Variants in OSBPL1A observed in about 807,000 individuals in gnomAD.
OSBPL1A encodes oxysterol-binding protein-related protein 1.
In OSBPL1A, 80 loss-of-function variants were observed where a neutral mutation model predicts 137.1. The observed-to-expected ratio is 0.58, with a 90% confidence interval of 0.49 to 0.70. The LOEUF (loss-of-function observed/expected upper bound fraction) is 0.70, where lower values mean the gene tolerates loss of function less well. OSBPL1A is among the 30% of genes least tolerant of loss of function. The pLI, the probability that OSBPL1A is intolerant of heterozygous loss-of-function variation, is 0.00. For missense variants in OSBPL1A, 970 were observed against 1,129.4 expected (o/e 0.86, Z 2.02); for synonymous variants, 365 against 389.7 (o/e 0.94, Z 0.75).
chr18:24,323,539 C>CTTTTTTTTTTTTT (rs763234169), intron 7 of OSBPL1A, among the ~76,000 whole-genome samples: 2 of 35,152 alleles, frequency 5.7e-5, no homozygotes, highest in Admixed American at 1.8e-4. Context: ...GAGGCTTTTT[C>CTTTTTTTTTTTTT]TTTTTTTTTT....
chr18:24,341,979 G>GA lies in OSBPL1A; in HGVS notation c.283-322dup, dbSNP rs769918616. Among the ~76,000 whole-genome samples the GA allele has an allele frequency of 7.2e-5, 11 of 152,318 alleles. No individual in the cohort carries two copies. In the Middle Eastern group the frequency reaches 0.014, roughly 188 times the overall value. The stretch of plus-strand genomic sequence containing the variant: ...GTAAACAAAGCCAATATTCAAATTA[G>GA]AGAAGGAAGTACATTCACTGAAGAT... On this transcript the variant is annotated intron_variant, in intron 4 of 27. Coordinates refer to ENST00000319481, the MANE Select transcript of OSBPL1A (RefSeq NM_080597.4).
chr18:24,366,164 T>C (rs1254396390), intron 4 of OSBPL1A, among the ~76,000 whole-genome samples: 1 of 152,104 alleles, frequency 6.6e-6, no homozygotes, highest in Non-Finnish European at 1.5e-5. Context: ...TACTGCTTTA[T>C]TACAAAGGAT....
rs1039473130 is a variant in OSBPL1A at position 24,238,688 on chromosome 18, A to G, written c.1444+532T>C. Among the ~76,000 whole-genome samples, 16 of 152,372 alleles carry G rather than the reference A, an allele frequency of 1.1e-4. No individual in the cohort carries two copies. In the South Asian group the frequency reaches 3.3e-3, roughly 32 times the overall value. On this transcript the variant is annotated intron_variant, in intron 16 of 27. Coordinates refer to ENST00000319481, the MANE Select transcript of OSBPL1A (RefSeq NM_080597.4). ...AAGCTCTGGAGTCCATGCTCCTTGC[A>G]GAAATGCTATGCCGCCCTTTAGTGT... is the stretch of plus-strand genomic sequence containing the variant.
rs1266583133 is a variant in OSBPL1A, at chr18:24,324,770, C to T, written c.626-5961G>A. ...CTGCACTCCATCCTGGGCGACAGAG[C>T]GAGACTCTGTCTATTAAAAAAAAAA... On this transcript the variant is annotated intron_variant, in intron 7 of 27. Transcript: ENST00000319481. 4.4e-5 allele frequency among the ~76,000 whole-genome samples: 6 copies of T among 135,648 alleles called. No individual in the cohort carries two copies. The South Asian group carries it at 7.1e-4, about 16-fold the overall frequency. The allele number at this position is 135,648 out of a possible 152,430, so 89.0% of individuals were successfully genotyped here.
intron 5 of OSBPL1A, among the ~76,000 whole-genome samples, chr18:24,338,570 G>A (rs1029186425): frequency 1.3e-5 from 2 of 152,110 alleles, no homozygotes; most frequent in African/African-American, 2.4e-5. Context: ...AAACAGCCCT[G>A]GTTTGGCCAC....
chr18:24,334,341 A>G lies in OSBPL1A; in HGVS notation c.395-11T>C, dbSNP rs999320204. Reference sequence around the variant, plus strand: ...GAGTCCTTTCTACAGCTGCAAAAGAAAAGTACTTATTATCCACTGCTAGTC... The same window carrying G: ...GAGTCCTTTCTACAGCTGCAAAAGAGAAGTACTTATTATCCACTGCTAGTC... On this transcript the variant is annotated splice_polypyrimidine_tract_variant and intron_variant, in intron 5 of 27. Coordinates refer to ENST00000319481, the MANE Select transcript of OSBPL1A (RefSeq NM_080597.4). The G allele has an allele frequency of 6.3e-7, 1 of 1,599,368 alleles. No homozygotes were observed. Among genetic ancestry groups the G allele is most frequent in the Middle Eastern group, 1.7e-4 (1 of 6,004 alleles).
At chr18:24,261,378 T>C (rs542677094) in intron 15 of OSBPL1A, among the ~76,000 whole-genome samples, 16 of 152,152 alleles carry the variant, frequency 1.1e-4, no homozygotes, top group Non-Finnish European at 1.8e-4. Context: ...TCAAAACTCA[T>C]TCAATAACAG....
chr18:24,210,824 T>C (rs981915499), intron 17 of OSBPL1A, among the ~76,000 whole-genome samples: 1 of 151,884 alleles, frequency 6.6e-6, no homozygotes, highest in Non-Finnish European at 1.5e-5. Flanking sequence ...GTGTGAGCCA[T>C]CGTATCTGGT....
chr18:24,382,753 G>A (rs1381187104), intron 1 of OSBPL1A, among the ~76,000 whole-genome samples: 1 of 151,934 alleles, frequency 6.6e-6, no homozygotes. Flanking sequence ...GTGCGCGCCT[G>A]TAGTCTCCGC....
chr18:24,299,828 A>T (rs375382128), intron 14 of OSBPL1A, among the ~76,000 whole-genome samples: 1 of 152,218 alleles, frequency 6.6e-6, no homozygotes, highest in South Asian at 2.1e-4. Flanking sequence ...GTAAAATAAC[A>T]TATCTTTTTC....
intron 15 of OSBPL1A, among the ~76,000 whole-genome samples, chr18:24,240,845 C>G (rs1599549100): frequency 6.6e-6 from 1 of 152,164 alleles, no homozygotes; most frequent in Non-Finnish European, 1.5e-5. Context: ...TTTCCCTTCC[C>G]TCCCAGAGGT....
Position 24,251,123 on chromosome 18 carries a change from T to C in OSBPL1A, c.1282-11741A>G, listed in dbSNP as rs1205899553. Among the ~76,000 whole-genome samples the C allele has an allele frequency of 3.3e-5, 5 of 152,186 alleles. No homozygotes were observed. The South Asian group carries it at 1.0e-3, about 32-fold the overall frequency. ...GACATCAGGCAAATTTCTAAGGTTTTTGATTCCAATCCCTGACTCCCAGAA... is the reference window on the plus strand; with the variant it reads ...GACATCAGGCAAATTTCTAAGGTTTCTGATTCCAATCCCTGACTCCCAGAA... On this transcript the variant is annotated intron_variant, in intron 15 of 27. Coordinates refer to ENST00000319481, the MANE Select transcript of OSBPL1A (RefSeq NM_080597.4).
intron 14 of OSBPL1A, among the ~76,000 whole-genome samples, chr18:24,293,104 C>CA (rs1172730345): frequency 0.039 from 2,613 of 66,230 alleles, 149 homozygotes; most frequent in Admixed American, 0.1. Context: ...ACTCCCGTCT[C>CA]AAAAAAAAAA....
intron 19 of OSBPL1A, among the ~76,000 whole-genome samples, chr18:24,180,477 G>C (rs2086574574): frequency 7.7e-6 from 1 of 130,718 alleles, no homozygotes; most frequent in African/African-American, 2.5e-5. Context: ...GTGTGTGTGT[G>C]TGTGTGTATG....
chr18:24,392,452 C>G (rs1907424917), intron 1 of OSBPL1A, among the ~76,000 whole-genome samples: 1 of 152,156 alleles, frequency 6.6e-6, no homozygotes, highest in Non-Finnish European at 1.5e-5. Flanking sequence ...AGCCACCACA[C>G]CCGGCCCTAT....
chr18:24,297,284 G>A (rs553840829), intron 14 of OSBPL1A, among the ~76,000 whole-genome samples: 2 of 152,012 alleles, frequency 1.3e-5, no homozygotes, highest in African/African-American at 2.4e-5. Flanking sequence ...TGCATGTAAA[G>A]GTTTTCATAA....
At chr18:24,337,212 G>A (rs1458049035) in intron 5 of OSBPL1A, among the ~76,000 whole-genome samples, 2 of 151,996 alleles carry the variant, frequency 1.3e-5, no homozygotes, top group Non-Finnish European at 2.9e-5. Flanking sequence ...GGTCAATATC[G>A]GCCAGGTGGC....
chr18:24,392,106 T>C (rs1197659914), intron 1 of OSBPL1A, among the ~76,000 whole-genome samples: 1 of 152,198 alleles, frequency 6.6e-6, no homozygotes, highest in Non-Finnish European at 1.5e-5. Flanking sequence ...TCTGTCCACC[T>C]CAGCCTCCCA....
At chr18:24,380,351 T>C (rs952237396) in intron 1 of OSBPL1A, among the ~76,000 whole-genome samples, 2 of 152,194 alleles carry the variant, frequency 1.3e-5, no homozygotes, top group East Asian at 1.9e-4. Context: ...ACCCCTGATA[T>C]CTAGCTGTGG....
Sources: allele counts gnomAD v4.1 joint callset (sites outside exome capture counted in the v4.1 genomes callset), GRCh38; gene constraint gnomAD v4.1.1; transcripts MANE v1.5; gene names NCBI Gene and HGNC (gene_info 2026-07-23, HGNC 2026-07-21).